ERBB4: variants seen among roughly 807,000 people sequenced by gnomAD.
The protein encoded by ERBB4 is receptor tyrosine-protein kinase erbB-4.
ERBB4 carries 42 observed loss-of-function variants against 158.0 expected under a neutral mutation model. That is an observed-to-expected ratio of 0.27 (90% CI 0.21 to 0.34). The LOEUF (loss-of-function observed/expected upper bound fraction) is 0.34, where lower values mean the gene tolerates loss of function less well. Among genes scored for constraint, ERBB4 ranks in the 10% least tolerant of loss-of-function variants. The pLI is 1.00. For missense variants in ERBB4, 1,333 were observed against 1,624.1 expected (o/e 0.82, Z 3.08); for synonymous variants, 583 against 558.7 (o/e 1.04, Z -0.61).
chr2:211,870,508 T>G (rs2078318016), intron 3 of ERBB4, among the ~76,000 whole-genome samples: 1 of 152,136 alleles, frequency 6.6e-6, no homozygotes, highest in Non-Finnish European at 1.5e-5. Flanking sequence ...GAAATAAGAT[T>G]ATTATAAGAT....
intron 19 of ERBB4, among the ~76,000 whole-genome samples, chr2:211,611,415 T>G (rs986866180): frequency 1.3e-5 from 2 of 152,126 alleles, no homozygotes; most frequent in African/African-American, 4.8e-5. Flanking sequence ...GAAGCTTTAC[T>G]TTTGCTTTCG....
At chr2:212,012,933 C>G (rs557004576) in intron 2 of ERBB4, among the ~76,000 whole-genome samples, 1 of 151,806 alleles carries the variant, frequency 6.6e-6, no homozygotes, top group Admixed American at 6.6e-5. Flanking sequence ...TTTGTAGAGA[C>G]GGGGTCTCAC....
chr2:211,705,403 A>T lies in ERBB4; in HGVS notation c.1125-12T>A. ...CATTGTAAGGGTCCCTAGAAAATCA[A>T]GAAGAGATGTAGCCAAATTTAAATT... On this transcript the variant is annotated splice_polypyrimidine_tract_variant and intron_variant, in intron 9 of 27. Coordinates refer to ENST00000342788, the MANE Select transcript of ERBB4 (RefSeq NM_005235.3). 1 of 1,569,512 alleles carries T rather than the reference A, an allele frequency of 6.4e-7. No individual in the cohort carries two copies. Among genetic ancestry groups the T allele is most frequent in the East Asian group, 2.2e-5 (1 of 44,624 alleles).
intron 20 of ERBB4, among the ~76,000 whole-genome samples, chr2:211,546,327 T>C (rs7591843): frequency 6.6e-6 from 1 of 151,930 alleles, no homozygotes; most frequent in African/African-American, 2.4e-5. Flanking sequence ...ACATATATAT[T>C]TATGTGTATA....
intron 19 of ERBB4, among the ~76,000 whole-genome samples, chr2:211,613,796 G>A (rs567229703): frequency 5.3e-5 from 8 of 152,146 alleles, no homozygotes; most frequent in Non-Finnish European, 4.4e-5. Flanking sequence ...GTGAGGAAAA[G>A]GGAACCCTCA....
chr2:211,574,304 C>T (rs191821877), intron 19 of ERBB4, among the ~76,000 whole-genome samples: 45 of 152,262 alleles, frequency 3.0e-4, no homozygotes, highest in Non-Finnish European at 5.6e-4. Context: ...AGTATCTCTT[C>T]CCATCTCAAC....
intron 2 of ERBB4, among the ~76,000 whole-genome samples, chr2:212,095,339 C>T (rs967527774): frequency 6.6e-6 from 1 of 152,086 alleles, no homozygotes; most frequent in Non-Finnish European, 1.5e-5. Context: ...CAAGCTTTCT[C>T]CCGGGATCCA....
intron 2 of ERBB4, among the ~76,000 whole-genome samples, chr2:212,017,041 A>G (rs1291664202): frequency 6.6e-6 from 1 of 152,132 alleles, no homozygotes; most frequent in Non-Finnish European, 1.5e-5. Flanking sequence ...TTAAATATGC[A>G]GCGTATTTGA....
At chr2:211,693,136 G>T (rs1357250679) in intron 12 of ERBB4, among the ~76,000 whole-genome samples, 2 of 152,078 alleles carry the variant, frequency 1.3e-5, no homozygotes, top group African/African-American at 2.4e-5. Context: ...GAGGTGAGAG[G>T]CAGTAGTGAC....
intron 1 of ERBB4, among the ~76,000 whole-genome samples, chr2:212,338,153 T>C (rs772278399): frequency 7.2e-5 from 11 of 152,122 alleles, no homozygotes; most frequent in Admixed American, 1.3e-4. Context: ...TATTCTGAGA[T>C]AGAAAACTCC....
At chr2:212,224,450 T>A (rs2083406672) in intron 1 of ERBB4, among the ~76,000 whole-genome samples, 1 of 151,896 alleles carries the variant, frequency 6.6e-6, no homozygotes, top group Non-Finnish European at 1.5e-5. Context: ...AAGCCAAGAT[T>A]GCTGGTATAA....
chr2:211,966,735 C>T (rs1324124004), intron 2 of ERBB4, among the ~76,000 whole-genome samples: 1 of 151,694 alleles, frequency 6.6e-6, no homozygotes, highest in Non-Finnish European at 1.5e-5. Context: ...AAACCAATAC[C>T]CTGTAGTTCT....
chr2:211,980,500 T>C (rs986209328), intron 2 of ERBB4, among the ~76,000 whole-genome samples: 4 of 152,182 alleles, frequency 2.6e-5, no homozygotes, highest in African/African-American at 9.7e-5. Context: ...CCCTGGGAGA[T>C]AATTTCTGTT....
At chr2:211,892,755 A>G (rs2079001116) in intron 3 of ERBB4, among the ~76,000 whole-genome samples, 1 of 144,608 alleles carries the variant, frequency 6.9e-6, no homozygotes, top group Non-Finnish European at 1.5e-5. Context: ...AAGCATTCTT[A>G]TACACCAACA....
At chr2:212,447,071 A>G (rs1478364411) in intron 1 of ERBB4, among the ~76,000 whole-genome samples, 1 of 150,026 alleles carries the variant, frequency 6.7e-6, no homozygotes, top group African/African-American at 2.5e-5. Context: ...ATCTCAGCTC[A>G]CTGCAAGCTC....
intron 1 of ERBB4, among the ~76,000 whole-genome samples, chr2:212,323,040 T>C (rs2106270358): frequency 6.6e-6 from 1 of 150,708 alleles, no homozygotes; most frequent in Non-Finnish European, 1.5e-5. Context: ...AAATAAACTA[T>C]TTAATTTTTC....
intron 1 of ERBB4, among the ~76,000 whole-genome samples, chr2:212,237,765 G>A (rs977735917): frequency 6.6e-6 from 1 of 152,206 alleles, no homozygotes; most frequent in African/African-American, 2.4e-5. Context: ...TTCTTTCAGA[G>A]ATGTCCTGCC....
At chr2:211,426,137 C>A (rs986188806) in intron 22 of ERBB4, among the ~76,000 whole-genome samples, 3 of 26,844 alleles carry the variant, frequency 1.1e-4, no homozygotes, top group African/African-American at 9.8e-4. Flanking sequence ...AATACAAAAA[C>A]AAAAGCCAAA....
intron 3 of ERBB4, among the ~76,000 whole-genome samples, chr2:211,815,162 A>G (rs1315133925): frequency 3.3e-5 from 5 of 152,240 alleles, no homozygotes; most frequent in African/African-American, 9.6e-5. Flanking sequence ...TGCTTGCTAC[A>G]TTTCAACGCA....
Sources: gnomAD v4.1 joint callset for allele counts (sites outside exome capture counted in the v4.1 genomes callset) on GRCh38, gnomAD v4.1.1 for gene constraint, MANE v1.5 for transcripts, NCBI Gene and HGNC (gene_info 2026-07-23, HGNC 2026-07-21) for gene names.